Variants in UBAP1 observed in about 807,000 individuals in gnomAD.
UBAP1 encodes the protein ubiquitin associated protein 1.
UBAP1 carries 5 observed loss-of-function variants against 39.0 expected under a neutral mutation model. The observed-to-expected ratio is 0.13, with a 90% confidence interval of 0.07 to 0.27. The LOEUF (loss-of-function observed/expected upper bound fraction) is 0.27. Among genes scored for constraint, UBAP1 ranks in the 10% least tolerant of loss-of-function variants. UBAP1 has a pLI of 1.00. For synonymous variants in UBAP1, 211 were observed against 225.1 expected (o/e 0.94, Z 0.56); for missense variants, 490 against 608.1 (o/e 0.81, Z 2.04).
intron 2 of UBAP1, among the ~76,000 whole-genome samples, chr9:34,226,131 G>GTGTGTGTGTGTGTGTT (rs1833074049): frequency 1.4e-5 from 2 of 143,604 alleles, no homozygotes; most frequent in African/African-American, 5.4e-5. Context: ...GTGTGTGTGT[G>GTGTGTGTGTGTGTGTT]TGTGTGTGTG....
chr9:34,243,815 T>C (rs72731292), intron 4 of UBAP1, among the ~76,000 whole-genome samples: 2 of 151,940 alleles, frequency 1.3e-5, no homozygotes, highest in African/African-American at 2.4e-5. Context: ...ATAATCACCC[T>C]GTTGTCTTAT....
intron 1 of UBAP1, among the ~76,000 whole-genome samples, chr9:34,214,819 G>A (rs918681216): frequency 3.3e-5 from 5 of 152,056 alleles, no homozygotes; most frequent in Admixed American, 3.3e-4. Flanking sequence ...GTGGGCTAAG[G>A]ACATGAATAG....
intron 4 of UBAP1, among the ~76,000 whole-genome samples, chr9:34,244,447 A>T: frequency 1.0e-5 from 1 of 99,078 alleles, no homozygotes; most frequent in Admixed American, 1.2e-4. Context: ...TCCTTGTTTA[A>T]GTTCTTTCAC....
chr9:34,212,552 A>G (rs1279535972), intron 1 of UBAP1, among the ~76,000 whole-genome samples: 1 of 152,034 alleles, frequency 6.6e-6, no homozygotes. Context: ...TATCTTCTGG[A>G]TTTTCCATTA....
chr9:34,215,289 G>A (rs1035986373), intron 1 of UBAP1, among the ~76,000 whole-genome samples: 6 of 151,506 alleles, frequency 4.0e-5, no homozygotes, highest in South Asian at 2.1e-4. Context: ...GTGTGTGTGT[G>A]TATATATATG....
chr9:34,195,150 T>C (rs1456252825), intron 1 of UBAP1, among the ~76,000 whole-genome samples: 1 of 152,098 alleles, frequency 6.6e-6, no homozygotes, highest in Non-Finnish European at 1.5e-5. Context: ...TTTTTTTTTT[T>C]TTCTCTAACA....
intron 2 of UBAP1, among the ~76,000 whole-genome samples, chr9:34,227,986 G>A (rs946451715): frequency 6.6e-6 from 1 of 151,958 alleles, no homozygotes; most frequent in Non-Finnish European, 1.5e-5. Flanking sequence ...AAAATTAGCT[G>A]GGCATGGTGG....
chr9:34,231,648 T>TC (rs1563914774), intron 2 of UBAP1, among the ~76,000 whole-genome samples: 1 of 117,744 alleles, frequency 8.5e-6, no homozygotes. Flanking sequence ...TTTTTTTTTT[T>TC]GTTTGTTTGT....
At chr9:34,196,932 G>A (rs1426937331) in intron 1 of UBAP1, among the ~76,000 whole-genome samples, 3 of 150,116 alleles carry the variant, frequency 2.0e-5, no homozygotes, top group African/African-American at 7.4e-5. Context: ...GTGTGTGTGT[G>A]TGTGTTTTTA....
At chr9:34,190,422 T>C (rs1830648939) in intron 1 of UBAP1, among the ~76,000 whole-genome samples, 1 of 152,062 alleles carries the variant, frequency 6.6e-6, no homozygotes, top group South Asian at 2.1e-4. Flanking sequence ...CCTGAGTAGC[T>C]GGGATTACAG....
chr9:34,226,124 TG>T (rs1833064204), intron 2 of UBAP1, among the ~76,000 whole-genome samples: 2 of 104,668 alleles, frequency 1.9e-5, no homozygotes, highest in African/African-American at 2.8e-5. Context: ...TGTGTGTGTG[TG>T]TGTGTGTGTG....
At chr9:34,234,802 C>A (rs1372946589) in intron 3 of UBAP1, among the ~76,000 whole-genome samples, 1 of 152,108 alleles carries the variant, frequency 6.6e-6, no homozygotes, top group Non-Finnish European at 1.5e-5. Flanking sequence ...GTATGTAATA[C>A]AAATAAATGA....
chr9:34,249,785 C>T lies in UBAP1; in HGVS notation c.1090C>T (p.Pro364Ser), dbSNP rs1170058153. 4 of 1,613,774 alleles carry T rather than the reference C, an allele frequency of 2.5e-6. No homozygotes were observed. Among genetic ancestry groups the T allele is most frequent in the Non-Finnish European group, 3.4e-6 (4 of 1,179,820 alleles). ...CTTCTTGTTTTTCCACTAGGTCACC[C>T]CTCCTAATTTCTCAGTGTCACAAGT... ...SPPNTGPTVT[P>S]PNFSVSQVPN... The change falls in exon 5 of 7, where the codon CCT becomes TCT. Residue 364 changes from proline (P) to serine (S), a missense_variant. Pro to Ser is a moderately conservative substitution (Grantham distance 74, BLOSUM62 -1). This residue lies in a region of UBAP1 where 339 missense variants were observed against 390.0 expected (regional missense o/e 0.87). Transcript: ENST00000297661.
chr9:34,204,344 G>A (rs1445828831), intron 1 of UBAP1, among the ~76,000 whole-genome samples: 1 of 152,034 alleles, frequency 6.6e-6, no homozygotes, highest in Non-Finnish European at 1.5e-5. Context: ...ACTTGTAGAG[G>A]AAAATAGTAT....
At chr9:34,250,357 T>C (rs1167972831) in intron 5 of UBAP1, among the ~76,000 whole-genome samples, 1 of 152,178 alleles carries the variant, frequency 6.6e-6, no homozygotes, top group African/African-American at 2.4e-5. Flanking sequence ...CTTGGGCTGT[T>C]TTCTTAGAGT....
At chr9:34,251,242 T>G (rs1037526259) in intron 6 of UBAP1, 150 bp from the exon 7 acceptor site, 1 of 817,254 alleles carries the variant, frequency 1.2e-6, no homozygotes, top group Non-Finnish European at 1.9e-6. Context: ...CTCTGCTTGC[T>G]AGGGGACCTT....
intron 4 of UBAP1, among the ~76,000 whole-genome samples, chr9:34,249,080 G>A (rs1328810879): frequency 6.6e-6 from 1 of 152,186 alleles, no homozygotes; most frequent in Non-Finnish European, 1.5e-5. Flanking sequence ...CTGGTGGGCA[G>A]GTCCCTAGAG....
At position 34,239,725 on chromosome 9, in the gene UBAP1, G is replaced by C. The variant is rs1179698814; in HGVS notation, c.160-1460G>C. Among the ~76,000 whole-genome samples, 3 of 152,242 alleles carry C rather than the reference G, an allele frequency of 2.0e-5. No individual in the cohort carries two copies. In the East Asian group the frequency reaches 5.8e-4, roughly 29 times the overall value. ...AAGCCTCAATTTCTTCATCTGTAAA[G>C]GGAGGATGAGGATGATTAGCTTTTA... On this transcript the variant is annotated intron_variant, in intron 3 of 6. Transcript: ENST00000297661.
At chr9:34,195,320 A>G (rs1015437636) in intron 1 of UBAP1, among the ~76,000 whole-genome samples, 3 of 152,208 alleles carry the variant, frequency 2.0e-5, no homozygotes, top group African/African-American at 4.8e-5. Flanking sequence ...TTTTTTGTCT[A>G]TGATTCATTT....
Sources: gnomAD v4.1 joint callset for allele counts (sites outside exome capture counted in the v4.1 genomes callset) on GRCh38, gnomAD v4.1.1 for gene constraint, gnomAD v4.1.1 regional missense constraint, MANE v1.5 for transcripts, NCBI Gene and HGNC (gene_info 2026-07-23, HGNC 2026-07-21) for gene names.